UBE2D2: variants seen among roughly 807,000 people sequenced by gnomAD.
UBE2D2 encodes ubiquitin-conjugating enzyme E2 D2.
In UBE2D2, 2 loss-of-function variants were observed where a neutral mutation model predicts 24.2. The observed-to-expected ratio is 0.08, with a 90% CI of 0.03 to 0.26. The LOEUF is 0.26. Ranked by LOEUF, UBE2D2 falls within the 10% of genes least tolerant of loss-of-function variation. The pLI is 1.00. For synonymous variants in UBE2D2, 58 were observed against 56.5 expected (o/e 1.03, Z -0.12); for missense variants, 44 against 177.6 (o/e 0.25, Z 4.28).
In UBE2D2 at chr5:139,628,396, AAAGTT is replaced by A. The variant is rs1178181524; in HGVS notation, c.*1599_*1603del. 1.3e-5 allele frequency: 2 copies of A among 152,714 alleles called. No individual in the cohort carries two copies. Among genetic ancestry groups the A allele is most frequent in the South Asian group, 2.1e-4 (1 of 4,828 alleles). The allele number at this position is 152,714 out of a possible 1,614,324, so 9.5% of individuals were successfully genotyped here. On this transcript the variant is annotated 3_prime_UTR_variant, in exon 7 of 7. Coordinates refer to ENST00000398733, the MANE Select transcript of UBE2D2 (RefSeq NM_003339.3). ...AAATGCATCTTTACACTCTTGCACA[AAAGTT>A]AAGGAATAAATGTCCACTGCTTTTG... is the stretch of plus-strand genomic sequence containing the variant.
At chr5:139,538,986 A>G (rs1448414242) in intron 1 of UBE2D2, among the ~76,000 whole-genome samples, 1 of 152,170 alleles carries the variant, frequency 6.6e-6, no homozygotes, top group Non-Finnish European at 1.5e-5. Context: ...GACGCACACA[A>G]TTTAGATGGA....
At chr5:139,601,361 T>C (rs1434647042) in intron 2 of UBE2D2, among the ~76,000 whole-genome samples, 5 of 152,166 alleles carry the variant, frequency 3.3e-5, no homozygotes, top group South Asian at 4.1e-4. Flanking sequence ...CCCAGCACTT[T>C]AGGAGACCGA....
chr5:139,596,025 C>G (rs1046043500), intron 1 of UBE2D2, among the ~76,000 whole-genome samples: 5 of 147,794 alleles, frequency 3.4e-5, no homozygotes, highest in African/African-American at 1.0e-4. Flanking sequence ...TCCCGAGTAG[C>G]TGGGACTACA....
intron 1 of UBE2D2, among the ~76,000 whole-genome samples, chr5:139,550,271 T>C (rs977220505): frequency 6.6e-6 from 1 of 152,206 alleles, no homozygotes; most frequent in African/African-American, 2.4e-5. Flanking sequence ...ATCAGTGCTC[T>C]GTGTCTAGTT....
At chr5:139,604,056 G>A (rs1044379694) in intron 2 of UBE2D2, among the ~76,000 whole-genome samples, 4 of 151,604 alleles carry the variant, frequency 2.6e-5, no homozygotes, top group Non-Finnish European at 5.9e-5. Context: ...ATGCCATCAC[G>A]AAAGTGATAA....
chr5:139,532,717 C>T (rs1277737710), intron 1 of UBE2D2, among the ~76,000 whole-genome samples: 2 of 151,900 alleles, frequency 1.3e-5, no homozygotes, highest in Non-Finnish European at 2.9e-5. Flanking sequence ...GAACTCCTGA[C>T]CTCAACGGAT....
At chr5:139,576,556 A>T (rs355161) in intron 1 of UBE2D2, among the ~76,000 whole-genome samples, 9,301 of 151,762 alleles carry the variant, frequency 0.061, 333 homozygotes, top group South Asian at 0.11. Flanking sequence ...TTTAGTAGAG[A>T]TGGGGTTTCA....
intron 5 of UBE2D2, among the ~76,000 whole-genome samples, chr5:139,615,681 T>C (rs1045031551): frequency 1.3e-5 from 2 of 152,152 alleles, no homozygotes; most frequent in African/African-American, 2.4e-5. Flanking sequence ...GAACAAAATA[T>C]AGGTAAATAT....
chr5:139,546,555 T>G (rs1271060845), intron 1 of UBE2D2, among the ~76,000 whole-genome samples: 2 of 151,814 alleles, frequency 1.3e-5, no homozygotes, highest in African/African-American at 4.8e-5. Flanking sequence ...AGATCTCAGC[T>G]CACTGTAACC....
In UBE2D2 at chr5:139,550,768, G is replaced by A. The variant is rs1315662012; in HGVS notation, c.-64+24156G>A. On this transcript the variant is annotated intron_variant, in intron 1 of 6. Transcript: ENST00000511725. ...AAGAGGTGTAATACTCACTGTGAAA[G>A]TCTGCAGCTTCACTCCTGAAGCCAG... Among the ~76,000 whole-genome samples the A allele has an allele frequency of 4.0e-4, 61 of 151,902 alleles. 1 individual carries two copies.
chr5:139,616,032 C>T (rs1398034289), intron 5 of UBE2D2, among the ~76,000 whole-genome samples: 3 of 150,832 alleles, frequency 2.0e-5, no homozygotes, highest in Non-Finnish European at 3.0e-5. Flanking sequence ...GACTGGGTTT[C>T]GCCATGTTGG....
In UBE2D2 at chr5:139,564,216, C is replaced by A. The variant is rs184143626; in HGVS notation, c.24+2401C>A. ...TCGCCCAGGCTGGAATGCAATGGCA[C>A]GATCTCAGCTCACCGCAACCTCCAC... On this transcript the variant is annotated intron_variant, in intron 1 of 6. Transcript: ENST00000398733. Among the ~76,000 whole-genome samples, 40 of 152,144 alleles carry A rather than the reference C, an allele frequency of 2.6e-4. No individual in the cohort carries two copies. In the East Asian group the frequency reaches 7.0e-3, roughly 26 times the overall value.
At chr5:139,580,157 A>C (rs1289688748) in intron 1 of UBE2D2, among the ~76,000 whole-genome samples, 1 of 152,082 alleles carries the variant, frequency 6.6e-6, no homozygotes, top group African/African-American at 2.4e-5. Flanking sequence ...GCAATGGAGC[A>C]ACCATAGCTT....
At chr5:139,596,813 G>A (rs1753970203) in intron 1 of UBE2D2, among the ~76,000 whole-genome samples, 1 of 151,870 alleles carries the variant, frequency 6.6e-6, no homozygotes, top group Admixed American at 6.6e-5. Context: ...TTGGGAGGCC[G>A]AGGTGGGCAG....
chr5:139,625,375 A>G (rs1304021253), intron 6 of UBE2D2, among the ~76,000 whole-genome samples: 1 of 113,784 alleles, frequency 8.8e-6, no homozygotes, highest in African/African-American at 3.5e-5. Flanking sequence ...TCAGCCCCCC[A>G]AAGTGCTGCT....
intron 1 of UBE2D2, among the ~76,000 whole-genome samples, chr5:139,574,889 G>A (rs1171496614): frequency 6.6e-6 from 1 of 152,114 alleles, no homozygotes; most frequent in Non-Finnish European, 1.5e-5. Context: ...AGATAGAAGA[G>A]GGTTTAGCAT....
At chr5:139,577,166 T>G (rs1314147198) in intron 1 of UBE2D2, among the ~76,000 whole-genome samples, 4 of 152,040 alleles carry the variant, frequency 2.6e-5, no homozygotes, top group African/African-American at 9.7e-5. Context: ...TTGGAGAATT[T>G]GTAAAACAGA....
chr5:139,541,265 T>C (rs1354530538), intron 1 of UBE2D2, among the ~76,000 whole-genome samples: 1 of 150,492 alleles, frequency 6.6e-6, no homozygotes, highest in African/African-American at 2.5e-5. Flanking sequence ...GCCATTGTAC[T>C]CCAGCCTGGG....
chr5:139,581,072 G>A (rs1753593540), intron 1 of UBE2D2, among the ~76,000 whole-genome samples: 1 of 152,176 alleles, frequency 6.6e-6, no homozygotes, highest in Non-Finnish European at 1.5e-5. Flanking sequence ...CCTGAAGGTG[G>A]ATGTGGGGGA....
Sources: gnomAD v4.1 joint callset for allele counts (sites outside exome capture counted in the v4.1 genomes callset) on GRCh38, gnomAD v4.1.1 for gene constraint, MANE v1.5 for transcripts, NCBI Gene and HGNC (gene_info 2026-07-23, HGNC 2026-07-21) for gene names.